Variants in CFAP221 observed in about 807,000 individuals in gnomAD.
CFAP221 encodes the protein cilia- and flagella-associated protein 221.
CFAP221 carries 97 observed loss-of-function variants against 113.1 expected under a neutral mutation model. That is an observed-to-expected ratio of 0.86 (90% CI 0.73 to 1.02). The LOEUF is 1.02. Among genes scored for constraint, CFAP221 ranks in the 50% least tolerant of loss-of-function variants. The pLI is 0.00. For missense variants in CFAP221, 1,025 were observed against 1,013.4 expected (o/e 1.01, Z -0.16); for synonymous variants, 331 against 354.4 (o/e 0.93, Z 0.74).
intron 14 of CFAP221, among the ~76,000 whole-genome samples, chr2:119,625,307 C>G (rs1686221198): frequency 6.6e-6 from 1 of 152,172 alleles, no homozygotes; most frequent in South Asian, 2.1e-4. Flanking sequence ...ATTCTTTCCA[C>G]ACTGGAAATA....
intron 3 of CFAP221, among the ~76,000 whole-genome samples, chr2:119,554,630 C>A (rs895678881): frequency 2.0e-5 from 3 of 152,158 alleles, no homozygotes; most frequent in Non-Finnish European, 4.4e-5. Flanking sequence ...GAAGATCTTG[C>A]ATCTCAAAAT....
At chr2:119,642,142 G>C (rs1357129580) in intron 21 of CFAP221, among the ~76,000 whole-genome samples, 1 of 152,184 alleles carries the variant, frequency 6.6e-6, no homozygotes, top group Non-Finnish European at 1.5e-5. Flanking sequence ...ATGTGCCTGA[G>C]TGCTCTTGTT....
At position 119,629,914 on chromosome 2, in the gene CFAP221, G is replaced by A; in HGVS notation, c.1690G>A (p.Glu564Lys). The A allele has an allele frequency of 6.2e-7, 1 of 1,613,866 alleles. No individual in the cohort carries two copies. The highest frequency in any genetic ancestry group is 2.2e-5 in the East Asian group (1 of 44,874). ...GLGLVPIKSSEVQIKQSYSFF... is the reference protein window; with the variant it reads ...GLGLVPIKSSKVQIKQSYSFF... ...TGGACTGGTCCCAATTAAGTCTTCA[G>A]AAGTTCAAATCAAGCAGAGTTATTC... The change falls in exon 17 of 24, where the codon GAA (glutamate) becomes AAA (lysine). Residue 564 changes from glutamate (E) to lysine (K), a missense_variant. Coordinates refer to ENST00000413369, the MANE Select transcript of CFAP221 (RefSeq NM_001271049.2).
At chr2:119,577,774 A>G (rs999537953) in intron 6 of CFAP221, among the ~76,000 whole-genome samples, 2 of 152,256 alleles carry the variant, frequency 1.3e-5, no homozygotes, top group Non-Finnish European at 2.9e-5. Context: ...CCAAATTAAG[A>G]TGGCATCCAG....
At chr2:119,628,883 G>A (rs1480787766) in intron 16 of CFAP221, among the ~76,000 whole-genome samples, 2 of 152,162 alleles carry the variant, frequency 1.3e-5, no homozygotes, top group Admixed American at 1.3e-4. Flanking sequence ...GGTTGATGGG[G>A]TGGAAAGAGA....
Position 119,549,102 on chromosome 2 carries a change from G to A in CFAP221, c.157G>A (p.Val53Met). 1 of 1,529,244 alleles carries A rather than the reference G, an allele frequency of 6.5e-7. No homozygotes were observed. Among genetic ancestry groups the A allele is most frequent in the Non-Finnish European group, 8.7e-7 (1 of 1,144,896 alleles). 94.7% of individuals were successfully genotyped at this position (1,529,244 alleles called of 1,614,324 possible). ...TTTTATAGAGGTTTATGCAAAACTT[G>A]TGAATAATAAGGTCATACAGGCAAG... Reference protein sequence around the residue: ...LLESKVYAKLVNNKVIQARPG... With the variant: ...LLESKVYAKLMNNKVIQARPG... The change falls in exon 3 of 24, where the codon GTG becomes ATG. Residue 53 changes from valine to methionine, a missense_variant. Transcript: ENST00000413369.
chr2:119,566,100 T>C (rs1454119523), intron 6 of CFAP221, among the ~76,000 whole-genome samples: 2 of 152,048 alleles, frequency 1.3e-5, no homozygotes, highest in East Asian at 1.9e-4. Context: ...TTGAGGTCAG[T>C]TGGGGGCAGG....
intron 7 of CFAP221, among the ~76,000 whole-genome samples, chr2:119,590,728 G>T (rs1683541806): frequency 6.6e-6 from 1 of 152,216 alleles, no homozygotes; most frequent in South Asian, 2.1e-4. Context: ...AGCCCTACCT[G>T]CAGGGTCCAG....
At chr2:119,561,921 A>T in intron 5 of CFAP221, 93 bp from the exon 6 acceptor site, 1 of 845,294 alleles carries the variant, frequency 1.2e-6, no homozygotes, top group Non-Finnish European at 1.8e-6. Flanking sequence ...TTTTTTAACG[A>T]TGGAAACAAG....
intron 16 of CFAP221, 104 bp downstream of exon 16, chr2:119,627,890 C>A (rs1686452687): frequency 1.4e-6 from 2 of 1,434,666 alleles, no homozygotes; most frequent in South Asian, 1.3e-5. Context: ...CACCTCCTCC[C>A]AGAGGCTCCA....
chr2:119,599,922 TGAAG>T (rs958277269), intron 7 of CFAP221, among the ~76,000 whole-genome samples: 3 of 151,548 alleles, frequency 2.0e-5, no homozygotes, highest in African/African-American at 7.3e-5. Context: ...CATGAATGGG[TGAAG>T]GAAAGGCCCA....
intron 8 of CFAP221, chr2:119,602,885 A>T: frequency 1.7e-6 from 1 of 593,738 alleles, no homozygotes; most frequent in South Asian, 7.5e-5. Flanking sequence ...TTTTACATGC[A>T]CGACAGCATT....
At chr2:119,646,572 C>T (rs923586718) in intron 21 of CFAP221, among the ~76,000 whole-genome samples, 1 of 152,182 alleles carries the variant, frequency 6.6e-6, no homozygotes, top group Non-Finnish European at 1.5e-5. Context: ...GATCCAATCA[C>T]CTCCCACCAG....
At chr2:119,615,016 A>G (rs1280467605) in intron 13 of CFAP221, among the ~76,000 whole-genome samples, 2 of 152,322 alleles carry the variant, frequency 1.3e-5, no homozygotes, top group East Asian at 3.9e-4. Context: ...TCTCCTCTGC[A>G]GCTCATGGCA....
intron 19 of CFAP221, among the ~76,000 whole-genome samples, chr2:119,631,396 G>A (rs540613784): frequency 1.8e-4 from 28 of 152,268 alleles, no homozygotes; most frequent in South Asian, 2.1e-4. Context: ...GAAATAGGCC[G>A]GGCACAGTGG....
Position 119,565,406 on chromosome 2 carries a change from T to C in CFAP221, c.527+3292T>C, listed in dbSNP as rs184944580. Among the ~76,000 whole-genome samples the C allele has an allele frequency of 2.3e-3, 351 of 152,300 alleles. 1 individual carries two copies. The highest frequency in any genetic ancestry group is 7.9e-3 in the African/African-American group (330 of 41,566). The stretch of plus-strand genomic sequence containing the variant: ...TTTTTTATTTTCTTCTTTTTTCCCC[T>C]CTATAAATTACTTTTTGTTTGGATC... On this transcript the variant is annotated intron_variant, in intron 6 of 23. Transcript: ENST00000413369.
At chr2:119,613,995 G>C (rs1048823200) in intron 13 of CFAP221, among the ~76,000 whole-genome samples, 4 of 152,208 alleles carry the variant, frequency 2.6e-5, no homozygotes, top group African/African-American at 7.2e-5. Context: ...ACACTCTGCT[G>C]TTTAGAAATT....
chr2:119,577,351 A>T (rs551642052), intron 6 of CFAP221, among the ~76,000 whole-genome samples: 2 of 152,256 alleles, frequency 1.3e-5, no homozygotes, highest in Non-Finnish European at 2.9e-5. Context: ...CAAACAGTCC[A>T]TAGTGGGATG....
intron 14 of CFAP221, among the ~76,000 whole-genome samples, chr2:119,619,916 AAC>A (rs1046922758): frequency 2.7e-4 from 41 of 152,344 alleles, no homozygotes; most frequent in African/African-American, 9.6e-4. Context: ...AGAGCTGAAA[AAC>A]ACAGCACGAG....
Sources: gnomAD v4.1 joint callset for allele counts (sites outside exome capture counted in the v4.1 genomes callset) on GRCh38, gnomAD v4.1.1 for gene constraint, MANE v1.5 for transcripts, NCBI Gene and HGNC (gene_info 2026-07-23, HGNC 2026-07-21) for gene names.